The following CPS1 variants were observed in gnomAD, a reference collection of about 807,000 sequenced individuals.
CPS1 encodes the protein carbamoyl-phosphate synthase 1.
A neutral mutation model predicts 174.6 loss-of-function variants in CPS1; 109 were observed. The ratio of observed to expected loss-of-function variants is 0.62; its 90% CI spans 0.53 to 0.73. CPS1 has a LOEUF of 0.73. Among genes scored for constraint, CPS1 ranks in the 30% least tolerant of loss-of-function variants. The pLI, the probability that CPS1 is intolerant of heterozygous loss-of-function variation, is 0.00. For synonymous variants in CPS1, 637 were observed against 632.0 expected, an observed-to-expected ratio of 1.01 and a Z score of -0.12; for missense variants, 1,689 against 1,821.9, an observed-to-expected ratio of 0.93 and a Z score of 1.33.
Position 210,663,156 on chromosome 2 carries a change from G to C in CPS1, c.3961G>C (p.Ala1321Pro), listed in dbSNP as rs1287677994. 1.2e-6 allele frequency: 2 copies of C among 1,613,396 alleles called. No homozygotes were observed. Among genetic ancestry groups the C allele is most frequent in the South Asian group, 2.2e-5 (2 of 91,058 alleles). ...GTTTTCCTGGCCCCGGTTGAGGGATGCTGACCCCATTCTGAGATGTGAGAT... is the reference window on the plus strand; with the variant it reads ...GTTTTCCTGGCCCCGGTTGAGGGATCCTGACCCCATTCTGAGATGTGAGAT... ...PMFSWPRLRD[A>P]DPILRCEMAS... Residue 1321 changes from alanine to proline, a missense_variant, in exon 33 of 38, where the codon GCT becomes CCT. Physicochemically the swap from Ala to Pro is conservative, Grantham distance 27. Transcript: ENST00000233072.
At chr2:210,599,681 T>A in intron 14 of CPS1, 120 bp downstream of exon 14, 1 of 1,106,362 alleles carries the variant, frequency 9.0e-7, no homozygotes, top group Non-Finnish European at 1.3e-6. Flanking sequence ...CTCTACTGTG[T>A]GAGAAAGCAG....
intron 21 of CPS1, among the ~76,000 whole-genome samples, chr2:210,622,321 A>G (rs146356361): frequency 6.6e-6 from 1 of 151,874 alleles, no homozygotes; most frequent in Non-Finnish European, 1.5e-5. Flanking sequence ...TTATATACTT[A>G]CATATCAAGT....
At chr2:210,554,134 CAT>C (rs199593035), upstream of CPS1, among the ~76,000 whole-genome samples, 22,469 of 128,394 alleles carry the variant, frequency 0.17, 3,276 homozygotes, top group Middle Eastern at 0.29. Flanking sequence ...TATATACATA[CAT>C]ATATATATGT....
Position 210,506,187 on chromosome 2 carries a change from T to A in CPS1, c.3+28421T>A, listed in dbSNP as rs191385896. ...GCCGGGTACTCCTCTGAGACAAAAC[T>A]TCCAGAGGAACGATCGGGCAGCAAC... On this transcript the variant is annotated intron_variant, in intron 1 of 38. Transcript: ENST00000430249. Among the ~76,000 whole-genome samples, 19 of 152,242 alleles carry A rather than the reference T, an allele frequency of 1.2e-4. No individual in the cohort carries two copies. The East Asian group carries it at 3.1e-3, about 25-fold the overall frequency.
intron 21 of CPS1, among the ~76,000 whole-genome samples, chr2:210,629,274 A>G (rs1364197517): frequency 1.3e-5 from 2 of 152,186 alleles, no homozygotes; most frequent in South Asian, 4.1e-4. Context: ...CGTTAATCCA[A>G]TTGGCTCAAG....
At chr2:210,655,559 C>T (rs1339915776) in intron 29 of CPS1, among the ~76,000 whole-genome samples, 1 of 151,978 alleles carries the variant, frequency 6.6e-6, no homozygotes, top group Non-Finnish European at 1.5e-5. Context: ...GACACTTCAC[C>T]AAAAAATGAG....
intron 1 of CPS1, among the ~76,000 whole-genome samples, chr2:210,571,464 T>TA (rs1208107237): frequency 1.3e-5 from 2 of 151,892 alleles, no homozygotes; most frequent in South Asian, 2.1e-4. Context: ...ACCTCTGATT[T>TA]AAAAAAACTA....
chr2:210,556,403 G>A, upstream of CPS1: 3 of 509,832 alleles, frequency 5.9e-6, no homozygotes, highest in Non-Finnish European at 1.1e-5. Context: ...CCATTCAGCT[G>A]CATAAACAAT....
At chr2:210,592,824 A>G in intron 10 of CPS1, 55 bp from the exon 11 acceptor site, 1 of 1,498,486 alleles carries the variant, frequency 6.7e-7, no homozygotes, top group Non-Finnish European at 9.3e-7. Flanking sequence ...ATACATAGCC[A>G]CACTTGACAT....
intron 1 of CPS1, among the ~76,000 whole-genome samples, chr2:210,498,636 C>G (rs1180199943): frequency 6.6e-6 from 1 of 152,100 alleles, no homozygotes; most frequent in Non-Finnish European, 1.5e-5. Flanking sequence ...ATTTGGATGC[C>G]TTTTATTTCC....
At chr2:210,592,077 T>C in intron 10 of CPS1, 108 bp downstream of exon 10, 1 of 1,244,054 alleles carries the variant, frequency 8.0e-7, no homozygotes, top group Non-Finnish European at 1.1e-6. Flanking sequence ...TGTGATATTT[T>C]GATACATGCA....
intron 1 of CPS1, among the ~76,000 whole-genome samples, chr2:210,524,721 T>C (rs1695927147): frequency 6.6e-6 from 1 of 151,908 alleles, no homozygotes; most frequent in South Asian, 2.1e-4. Flanking sequence ...AAGAAAATAA[T>C]TGGAGTGAAT....
intron 22 of CPS1, among the ~76,000 whole-genome samples, chr2:210,638,447 C>T (rs1429112555): frequency 6.6e-6 from 1 of 152,082 alleles, no homozygotes; most frequent in Non-Finnish European, 1.5e-5. Flanking sequence ...GTACCACCAG[C>T]TGGTTTTTGT....
chr2:210,625,691 T>C (rs1161946677), intron 21 of CPS1, among the ~76,000 whole-genome samples: 1 of 151,934 alleles, frequency 6.6e-6, no homozygotes, highest in Non-Finnish European at 1.5e-5. Context: ...TTCAAGAGGA[T>C]TGCATGGTTT....
At chr2:210,549,980 G>T (rs866033303) in intron 1 of CPS1, among the ~76,000 whole-genome samples, 3 of 151,982 alleles carry the variant, frequency 2.0e-5, no homozygotes, top group African/African-American at 7.2e-5. Flanking sequence ...CAAGCAATAA[G>T]ATGCAAGATA....
intron 1 of CPS1, among the ~76,000 whole-genome samples, chr2:210,572,985 A>G (rs558607045): frequency 1.3e-5 from 2 of 152,246 alleles, no homozygotes; most frequent in Admixed American, 6.6e-5. Context: ...GAAAAGACAG[A>G]TACATAACAT....
At position 210,573,362 on chromosome 2, in the gene CPS1, C is replaced by A. The variant is rs771683184; in HGVS notation, c.191C>A (p.Pro64Gln). Residue 64 changes from proline (P) to glutamine (Q), a missense_variant, in exon 2 of 38, where the codon CCA (proline) becomes CAA (glutamine). Physicochemically the swap from Pro to Gln is moderately conservative, Grantham distance 76 (BLOSUM62 -1). Coordinates refer to ENST00000233072, the MANE Select transcript of CPS1 (RefSeq NM_001875.5). ...ATGAAAGGTTACTCCTTTGGCCATCCATCCTCTGTTGCTGGTGAAGTGGTT... is the reference window on the plus strand; with the variant it reads ...ATGAAAGGTTACTCCTTTGGCCATCAATCCTCTGTTGCTGGTGAAGTGGTT... ...TKMKGYSFGHPSSVAGEVVFN... is the reference protein window; with the variant it reads ...TKMKGYSFGHQSSVAGEVVFN... 3 of 1,613,246 alleles carry A rather than the reference C, an allele frequency of 1.9e-6. No individual in the cohort carries two copies. Among genetic ancestry groups the A allele is most frequent in the Non-Finnish European group, 2.5e-6 (3 of 1,179,320 alleles).
chr2:210,562,753 T>G (rs2106049453), intron 1 of CPS1, among the ~76,000 whole-genome samples: 1 of 152,244 alleles, frequency 6.6e-6, no homozygotes, highest in Non-Finnish European at 1.5e-5. Context: ...CTCTACTTTT[T>G]CTGAAGTGCA....
chr2:210,651,333 G>A (rs889386221), intron 28 of CPS1, among the ~76,000 whole-genome samples: 1 of 152,150 alleles, frequency 6.6e-6, no homozygotes, highest in Non-Finnish European at 1.5e-5. Context: ...ATGTTTGAGT[G>A]GTAAGAGTAG....
Sources: allele counts gnomAD v4.1 joint callset (sites outside exome capture counted in the v4.1 genomes callset), GRCh38; gene constraint gnomAD v4.1.1; transcripts MANE v1.5; gene names NCBI Gene and HGNC (gene_info 2026-07-23, HGNC 2026-07-21).